The following CTDSPL2 variants were observed in gnomAD, a reference collection of about 807,000 sequenced individuals.
CTDSPL2 encodes the protein CTD small phosphatase like 2.
CTDSPL2 carries 5 observed loss-of-function variants against 60.0 expected under a neutral mutation model. That is an observed-to-expected ratio of 0.08 (90% CI 0.04 to 0.18). The LOEUF (loss-of-function observed/expected upper bound fraction) is 0.18. Among genes scored for constraint, CTDSPL2 ranks in the 10% least tolerant of loss-of-function variants. The pLI, the probability that CTDSPL2 is intolerant of heterozygous loss-of-function variation, is 1.00. For missense variants in CTDSPL2, 370 were observed against 548.8 expected (o/e 0.67, Z 3.26); for synonymous variants, 186 against 189.3 (o/e 0.98, Z 0.14).
Position 44,459,179 on chromosome 15 carries a change from T to A in CTDSPL2, c.165T>A (p.Phe55Leu). The A allele has an allele frequency of 6.2e-7, 1 of 1,606,022 alleles. No homozygotes were observed. Among genetic ancestry groups the A allele is most frequent in the Non-Finnish European group, 8.5e-7 (1 of 1,176,920 alleles). The change falls in exon 2 of 13, where the codon TTT (phenylalanine) becomes TTA (leucine). Residue 55 changes from phenylalanine (F) to leucine (L), a missense_variant. This residue lies in a region of CTDSPL2 where 287 missense variants were observed against 296.1 expected (regional missense o/e 0.97). Coordinates refer to ENST00000260327, the MANE Select transcript of CTDSPL2 (RefSeq NM_016396.3). The stretch of plus-strand genomic sequence containing the variant: ...GCTTGTTGTCTTCAATTAAAAAATT[T>A]ATTAAAGGAAGCACACCTAAGGTAA... ...ETGLLSSIKK[F>L]IKGSTPKEER...
chr15:44,469,474 A>G (rs1325015940), intron 2 of CTDSPL2, among the ~76,000 whole-genome samples: 1 of 152,058 alleles, frequency 6.6e-6, no homozygotes, highest in East Asian at 1.9e-4. Flanking sequence ...ATTTTAAAGT[A>G]TTCCTTTCTC....
chr15:44,492,811 AT>A (rs996266980), intron 5 of CTDSPL2, among the ~76,000 whole-genome samples: 1 of 152,210 alleles, frequency 6.6e-6, no homozygotes, highest in African/African-American at 2.4e-5. Context: ...AATATTTGCA[AT>A]TTAACCCACC....
intron 8 of CTDSPL2, among the ~76,000 whole-genome samples, chr15:44,504,690 G>A (rs1173373543): frequency 1.3e-5 from 2 of 150,058 alleles, no homozygotes; most frequent in Non-Finnish European, 3.0e-5. Flanking sequence ...GCAAGATAGT[G>A]TGAGATCCTG....
At chr15:44,523,781 C>T (rs1003895757) in intron 12 of CTDSPL2, among the ~76,000 whole-genome samples, 6 of 152,130 alleles carry the variant, frequency 3.9e-5, no homozygotes, top group Admixed American at 3.9e-4. Flanking sequence ...CGTCTGTAGT[C>T]CCAGCTACTT....
At chr15:44,507,315 C>G (rs1297085470) in intron 8 of CTDSPL2, among the ~76,000 whole-genome samples, 5 of 149,326 alleles carry the variant, frequency 3.3e-5, no homozygotes, top group African/African-American at 1.2e-4. Context: ...GAACTCCTGT[C>G]CTCAACTATC....
chr15:44,468,268 T>C (rs1429214592), intron 2 of CTDSPL2, among the ~76,000 whole-genome samples: 2 of 152,164 alleles, frequency 1.3e-5, no homozygotes, highest in Non-Finnish European at 2.9e-5. Flanking sequence ...CTCTTTCTTG[T>C]TTTAGTCATA....
chr15:44,458,964 A>G, intron 1 of CTDSPL2, 27 bp from the exon 2 acceptor site: 1 of 1,351,902 alleles, frequency 7.4e-7, no homozygotes, highest in Non-Finnish European at 9.9e-7. Flanking sequence ...TTAATTTTTT[A>G]TTACATTTAT....
chr15:44,519,325 A>G, intron 11 of CTDSPL2, 30 bp downstream of exon 11: 1 of 1,525,746 alleles, frequency 6.6e-7, no homozygotes, highest in Non-Finnish European at 8.8e-7. Flanking sequence ...ACAAACTCAG[A>G]TTGGAAAAAA....
At chr15:44,456,384 G>T (rs1448087790) in intron 1 of CTDSPL2, among the ~76,000 whole-genome samples, 4 of 152,122 alleles carry the variant, frequency 2.6e-5, no homozygotes, top group Non-Finnish European at 4.4e-5. Flanking sequence ...ACTTGTTTTA[G>T]TTGGTAGGCT....
intron 5 of CTDSPL2, among the ~76,000 whole-genome samples, chr15:44,492,253 T>C (rs1263349784): frequency 6.6e-6 from 1 of 152,178 alleles, no homozygotes. Flanking sequence ...GGAGGATTGC[T>C]TGAGCCCAGG....
At chr15:44,428,102 A>G (rs1342158981) in intron 1 of CTDSPL2, 1 of 161,450 alleles carries the variant, frequency 6.2e-6, no homozygotes, top group East Asian at 1.7e-4. Flanking sequence ...CTGGGTAATT[A>G]AGTTAGAAGT....
At chr15:44,430,956 G>A (rs1419239440) in intron 1 of CTDSPL2, among the ~76,000 whole-genome samples, 1 of 151,760 alleles carries the variant, frequency 6.6e-6, no homozygotes, top group Non-Finnish European at 1.5e-5. Flanking sequence ...TGAGTAGCTG[G>A]GACTACAGGC....
At chr15:44,448,745 C>T (rs1038882355) in intron 1 of CTDSPL2, 12 of 347,868 alleles carry the variant, frequency 3.4e-5, no homozygotes, top group African/African-American at 2.0e-4. Flanking sequence ...ATAGTCTGCC[C>T]TCCTGGTCCT....
intron 2 of CTDSPL2, among the ~76,000 whole-genome samples, chr15:44,474,692 C>A (rs1050922521): frequency 4.6e-5 from 7 of 151,630 alleles, no homozygotes; most frequent in African/African-American, 1.7e-4. Context: ...TCCATCTCTA[C>A]TAAAAATATA....
chr15:44,493,678 T>C (rs1392965975), intron 5 of CTDSPL2, among the ~76,000 whole-genome samples: 1 of 152,234 alleles, frequency 6.6e-6, no homozygotes, highest in Admixed American at 6.5e-5. Flanking sequence ...TTGCATACTA[T>C]AGTCCCAGCT....
Position 44,528,675 on chromosome 15 carries a change from G to A in CTDSPL2, c.*4501G>A, listed in dbSNP as rs550269855. ...ATAGTTGACCATATACATAGCTAAA[G>A]GACATGTCCCTGAATGAGACCATTA... On this transcript the variant is annotated 3_prime_UTR_variant, in exon 13 of 13. Coordinates refer to ENST00000260327, the MANE Select transcript of CTDSPL2 (RefSeq NM_016396.3). The A allele has an allele frequency of 6.6e-6, 1 of 152,068 alleles. No homozygotes were observed. The highest frequency in any genetic ancestry group is 2.1e-4 in the South Asian group (1 of 4,804). The allele number at this position is 152,068 out of a possible 1,614,324, so 9.4% of individuals were successfully genotyped here.
intron 2 of CTDSPL2, among the ~76,000 whole-genome samples, chr15:44,473,485 C>T (rs777632415): frequency 2.2e-4 from 33 of 151,672 alleles, no homozygotes; most frequent in African/African-American, 9.7e-5. Context: ...TTAGTAGAGA[C>T]GGGGTTTCAC....
intron 1 of CTDSPL2, among the ~76,000 whole-genome samples, chr15:44,431,730 T>G (rs955293604): frequency 4.9e-4 from 74 of 150,624 alleles, no homozygotes; most frequent in African/African-American, 1.7e-3. Flanking sequence ...TTTTTTTTTT[T>G]TTTTTGAGAC....
At position 44,501,743 on chromosome 15, in the gene CTDSPL2, G is replaced by T. The variant is rs183646364; in HGVS notation, c.969+1930G>T. On this transcript the variant is annotated intron_variant, in intron 8 of 12. Transcript: ENST00000260327. ...TATAGAGATGATTGCACTTTAATAC[G>T]ATTTAGTTACCATATCACAGACAGA... 7.2e-5 allele frequency among the ~76,000 whole-genome samples: 11 copies of T among 152,234 alleles called. No homozygotes were observed. The East Asian group carries it at 1.9e-3, about 27-fold the overall frequency.
Sources: allele counts gnomAD v4.1 joint callset (sites outside exome capture counted in the v4.1 genomes callset), GRCh38; gene constraint gnomAD v4.1.1; regional missense constraint gnomAD v4.1.1; transcripts MANE v1.5; gene names NCBI Gene and HGNC (gene_info 2026-07-23, HGNC 2026-07-21).